The following SDK1 variants were observed in gnomAD, a reference collection of about 807,000 sequenced individuals.
The protein encoded by SDK1 is protein sidekick-1.
SDK1 carries 157 observed loss-of-function variants against 245.5 expected under a neutral mutation model. That is an observed-to-expected ratio of 0.64 (90% CI 0.56 to 0.73). The LOEUF is 0.73. Among genes scored for constraint, SDK1 ranks in the 30% least tolerant of loss-of-function variants. SDK1 has a pLI of 0.00. For synonymous variants in SDK1, 1,647 were observed against 1,278.5 expected (o/e 1.29, Z -6.15); for missense variants, 3,583 against 3,002.3 (o/e 1.19, Z -4.52).
chr7:4,146,033 G>A (rs753048269), intron 29 of SDK1, 117 bp downstream of exon 29: 46 of 858,234 alleles, frequency 5.4e-5, no homozygotes, highest in Non-Finnish European at 7.9e-5. Flanking sequence ...CGGAGAAAGA[G>A]AAGGGATGTG....
At chr7:3,576,377 A>G (rs1780291346) in intron 1 of SDK1, among the ~76,000 whole-genome samples, 1 of 152,056 alleles carries the variant, frequency 6.6e-6, no homozygotes. Context: ...TGCAAGTGAG[A>G]TAAGCTGTGT....
rs2128231584 is a variant in SDK1 at position 4,220,173 on chromosome 7, C to T, written c.5604C>T (p.Asp1868=). The stretch of plus-strand genomic sequence containing the variant: ...GGCAGCGCTGGCTGAAGGTGCGGGA[C>T]CTCACCAAGGGAGTGACCTATTTCT... ...GNWQRWLKVR[D]LTKGVTYFFR... The change falls in exon 39 of 45, where the codon GAC becomes GAT. Residue 1868 remains aspartate (D), a synonymous_variant. Coordinates refer to ENST00000404826, the MANE Select transcript of SDK1 (RefSeq NM_152744.4). 1 of 1,614,044 alleles carries T rather than the reference C, an allele frequency of 6.2e-7. No individual in the cohort carries two copies. Among genetic ancestry groups the T allele is most frequent in the Non-Finnish European group, 8.5e-7 (1 of 1,180,010 alleles).
chr7:3,545,808 A>G (rs1176534943), intron 1 of SDK1, among the ~76,000 whole-genome samples: 3 of 152,238 alleles, frequency 2.0e-5, no homozygotes, highest in Admixed American at 6.5e-5. Context: ...AGGGTAATCA[A>G]ATAGTACTTT....
At chr7:3,883,491 C>G (rs1725108835) in intron 5 of SDK1, among the ~76,000 whole-genome samples, 1 of 152,112 alleles carries the variant, frequency 6.6e-6, no homozygotes, top group South Asian at 2.1e-4. Flanking sequence ...TTTGAGGCCC[C>G]TAAAAAATCA....
chr7:3,548,980 A>G (rs1218753183), intron 1 of SDK1, among the ~76,000 whole-genome samples: 3 of 152,200 alleles, frequency 2.0e-5, no homozygotes, highest in Non-Finnish European at 2.9e-5. Flanking sequence ...TCTCCCTACT[A>G]TCAATATATT....
chr7:4,221,158 C>A, intron 39 of SDK1, 81 bp from the exon 40 acceptor site: 1 of 1,544,238 alleles, frequency 6.5e-7, no homozygotes, highest in South Asian at 1.2e-5. Flanking sequence ...CGGTCTGACC[C>A]CCCACTGTGA....
At chr7:4,147,312 C>T (rs953170378) in intron 29 of SDK1, among the ~76,000 whole-genome samples, 3 of 152,264 alleles carry the variant, frequency 2.0e-5, no homozygotes, top group South Asian at 2.1e-4. Flanking sequence ...TCCCCAGTAG[C>T]GGGGACTACA....
chr7:4,109,698 C>T lies in SDK1; in HGVS notation c.3325-965C>T, dbSNP rs547653097. On this transcript the variant is annotated intron_variant, in intron 22 of 44. Coordinates refer to ENST00000404826, the MANE Select transcript of SDK1 (RefSeq NM_152744.4). ...GGCACAAGGCCGTGGCTGTCTCTCC[C>T]GTGGCTCCCTAGCTGGCGCAGCTTG... Among the ~76,000 whole-genome samples, 12 of 152,320 alleles carry T rather than the reference C, an allele frequency of 7.9e-5. No homozygotes were observed. In the East Asian group the frequency reaches 1.7e-3, roughly 22 times the overall value.
At chr7:4,171,568 A>G (rs1466555713) in intron 32 of SDK1, among the ~76,000 whole-genome samples, 1 of 152,226 alleles carries the variant, frequency 6.6e-6, no homozygotes, top group Non-Finnish European at 1.5e-5. Flanking sequence ...GTAGCTGAGC[A>G]TGCTCCAGCC....
At chr7:3,776,974 C>T (rs1780584692) in intron 4 of SDK1, among the ~76,000 whole-genome samples, 1 of 152,182 alleles carries the variant, frequency 6.6e-6, no homozygotes, top group Non-Finnish European at 1.5e-5. Flanking sequence ...GATCTGTTTC[C>T]ACCCCCACAC....
chr7:4,055,810 G>A (rs1779159522), intron 19 of SDK1, among the ~76,000 whole-genome samples: 1 of 152,016 alleles, frequency 6.6e-6, no homozygotes, highest in Non-Finnish European at 1.5e-5. Context: ...CTGCATCCCA[G>A]ATGTTTTGAC....
intron 1 of SDK1, among the ~76,000 whole-genome samples, chr7:3,311,290 C>G (rs932031384): frequency 6.6e-6 from 1 of 152,040 alleles, no homozygotes; most frequent in Non-Finnish European, 1.5e-5. Flanking sequence ...ATGGAATGGT[C>G]AGTCTTGCTT....
At chr7:3,872,541 A>G (rs904347505) in intron 5 of SDK1, among the ~76,000 whole-genome samples, 2 of 149,538 alleles carry the variant, frequency 1.3e-5, no homozygotes, top group Non-Finnish European at 3.0e-5. Flanking sequence ...CATGTCATCT[A>G]AGTTGTTGAA....
At chr7:4,004,836 G>T (rs997113939) in intron 14 of SDK1, among the ~76,000 whole-genome samples, 2 of 151,790 alleles carry the variant, frequency 1.3e-5, no homozygotes, top group Admixed American at 6.6e-5. Flanking sequence ...TAAAAAGAAA[G>T]GTCTTTTTAC....
intron 14 of SDK1, among the ~76,000 whole-genome samples, chr7:4,005,393 AGTGTGTGTGTGTGTGTGTGTGT>A (rs71032920): frequency 4.6e-5 from 6 of 129,818 alleles, no homozygotes; most frequent in South Asian, 2.8e-4. Context: ...TTCTTATGTG[AGTGTGTGTGTGTGTGTGTGTGT>A]GTGTGTGTGT....
At chr7:4,149,629 T>C (rs1027133065) in intron 30 of SDK1, among the ~76,000 whole-genome samples, 166 bp downstream of exon 30, 3 of 152,168 alleles carry the variant, frequency 2.0e-5, no homozygotes, top group African/African-American at 7.2e-5. Flanking sequence ...CCAGAACTCC[T>C]GGGTCCTGGA....
chr7:3,399,328 T>C lies in SDK1; in HGVS notation c.298+97444T>C, dbSNP rs566567925. Among the ~76,000 whole-genome samples the C allele has an allele frequency of 8.5e-5, 13 of 152,222 alleles. No individual in the cohort carries two copies. The South Asian group carries it at 2.5e-3, about 29-fold the overall frequency. ...CCTTTTTGTGATGTCTGTCTCTTTCTTGACATTTTTTATTTTGTGAGAGTT... is the reference window on the plus strand; with the variant it reads ...CCTTTTTGTGATGTCTGTCTCTTTCCTGACATTTTTTATTTTGTGAGAGTT... On this transcript the variant is annotated intron_variant, in intron 1 of 44. Transcript: ENST00000404826.
chr7:3,856,579 T>A (rs572557768), intron 5 of SDK1, among the ~76,000 whole-genome samples: 1 of 149,582 alleles, frequency 6.7e-6, no homozygotes, highest in Non-Finnish European at 1.5e-5. Context: ...TCACCTGAGA[T>A]CAGGAGTTCA....
intron 1 of SDK1, among the ~76,000 whole-genome samples, chr7:3,377,827 G>A (rs1421795964): frequency 1.3e-5 from 2 of 152,144 alleles, no homozygotes; most frequent in East Asian, 3.9e-4. Context: ...TGCCCAGGCT[G>A]GAGTGCAGTG....
Sources: gnomAD v4.1 joint callset for allele counts (sites outside exome capture counted in the v4.1 genomes callset) on GRCh38, gnomAD v4.1.1 for gene constraint, MANE v1.5 for transcripts, NCBI Gene and HGNC (gene_info 2026-07-23, HGNC 2026-07-21) for gene names.